EVPLL: variants seen among roughly 807,000 people sequenced by gnomAD.
The protein encoded by EVPLL is envoplakin-like protein.
A neutral mutation model predicts 46.2 loss-of-function variants in EVPLL; 39 were observed. That is an observed-to-expected ratio of 0.84 (90% CI 0.65 to 1.10). The LOEUF is 1.10. Among genes scored for constraint, EVPLL ranks in the 50% least tolerant of loss-of-function variants. EVPLL has a pLI of 0.00. For synonymous variants in EVPLL, 156 were observed against 165.8 expected, an observed-to-expected ratio of 0.94 and a Z score of 0.46; for missense variants, 385 against 412.6, an observed-to-expected ratio of 0.93 and a Z score of 0.58.
In EVPLL at chr17:18,385,936, C is replaced by T. The variant is rs540085358; in HGVS notation, c.877-2283C>T. 3.3e-5 allele frequency among the ~76,000 whole-genome samples: 5 copies of T among 152,292 alleles called. No homozygotes were observed. The East Asian group carries it at 5.8e-4, about 18-fold the overall frequency. On this transcript the variant is annotated intron_variant, in intron 9 of 10. Coordinates refer to ENST00000399134, the MANE Select transcript of EVPLL (RefSeq NM_001145127.2). ...ACACCCAGCAAAAGATCCCATAGTGCACTTTGGGAGGTATAGACAGGAAGC... is the reference window on the plus strand; with the variant it reads ...ACACCCAGCAAAAGATCCCATAGTGTACTTTGGGAGGTATAGACAGGAAGC...
intron 4 of EVPLL, 180 bp from the exon 5 acceptor site, chr17:18,382,333 C>T: frequency 1.4e-6 from 1 of 693,812 alleles, no homozygotes; most frequent in Non-Finnish European, 2.3e-6. Flanking sequence ...CTGCAGTGGC[C>T]ACCCTGCAGA....
At chr17:18,387,650 G>A (rs1277656745) in intron 9 of EVPLL, among the ~76,000 whole-genome samples, 1 of 151,912 alleles carries the variant, frequency 6.6e-6, no homozygotes, top group Non-Finnish European at 1.5e-5. Flanking sequence ...TCTGGATTGT[G>A]GGCCATAGTT....
chr17:18,383,726 A>G, intron 9 of EVPLL, 139 bp downstream of exon 9: 1 of 741,626 alleles, frequency 1.3e-6, no homozygotes, highest in Non-Finnish European at 2.2e-6. Context: ...TAATCCCAGC[A>G]CTTTGGGAGG....
intron 9 of EVPLL, 163 bp from the exon 10 acceptor site, chr17:18,388,056 A>ATATATATATGTAT (rs1987833673): frequency 1.5e-5 from 3 of 193,700 alleles, no homozygotes; most frequent in African/African-American, 8.5e-5. Context: ...ATATATGTAT[A>ATATATATATGTAT]TATATATAAA....
Position 18,381,113 on chromosome 17 carries a change from A to G in EVPLL, c.63+113A>G. On this transcript the variant is annotated intron_variant, in intron 2 of 10. Transcript: ENST00000399134. The surrounding 1 kb of genome is among the most constrained non-coding windows in gnomAD (Gnocchi z 4.2). Reference sequence around the variant, plus strand: ...CCTGGTGATGGTGAAGATGGGACAGATGACATTTGTCCTGCACCGCCTGTC... The same window carrying G: ...CCTGGTGATGGTGAAGATGGGACAGGTGACATTTGTCCTGCACCGCCTGTC... The G allele has an allele frequency of 1.5e-6, 2 of 1,363,176 alleles. No individual in the cohort carries two copies. Among genetic ancestry groups the G allele is most frequent in the Non-Finnish European group, 2.0e-6 (2 of 984,532 alleles). 84.4% of individuals were successfully genotyped at this position (1,363,176 alleles called of 1,614,324 possible).
At chr17:18,383,754 C>T (rs1321900468) in intron 9 of EVPLL, 167 bp downstream of exon 9, 8 of 636,650 alleles carry the variant, frequency 1.3e-5, no homozygotes, top group Admixed American at 1.1e-4. Flanking sequence ...TGGCCGATCA[C>T]TTGAGGTCAG....
At position 18,380,860 on chromosome 17, in the gene EVPLL, C is replaced by A. The variant is rs944666879; in HGVS notation, c.-36-42C>A. 1.7e-4 allele frequency: 250 copies of A among 1,507,584 alleles called. 1 individual carries two copies. The highest frequency in any genetic ancestry group is 7.4e-5 in the East Asian group (3 of 40,706). The allele number at this position is 1,507,584 out of a possible 1,614,324, so 93.4% of individuals were successfully genotyped here. On this transcript the variant is annotated intron_variant, in intron 1 of 10. Transcript: ENST00000399134. ...GCCACCTGGATGGGGCACAGAGGGGCCTCTTCCACCGAGCTGCCCACTGTC... is the reference window on the plus strand; with the variant it reads ...GCCACCTGGATGGGGCACAGAGGGGACTCTTCCACCGAGCTGCCCACTGTC...
chr17:18,383,228 C>T, intron 7 of EVPLL, 43 bp downstream of exon 7: 2 of 1,550,266 alleles, frequency 1.3e-6, no homozygotes, highest in East Asian at 4.8e-5. Flanking sequence ...CGACCAGGGC[C>T]ATCCTGGTCC....
rs1335252622 is a variant in EVPLL at position 18,388,880 on chromosome 17, G to A, written c.*64G>A. 6.7e-6 allele frequency: 1 copy of A among 149,334 alleles called. No homozygotes were observed. The highest frequency in any genetic ancestry group is 1.9e-4 in the East Asian group (1 of 5,142). The allele number at this position is 149,334 out of a possible 1,614,324, so 9.3% of individuals were successfully genotyped here. The stretch of plus-strand genomic sequence containing the variant: ...AGCTCTTGCCGCACGTGCAGAGAGA[G>A]AGGAACTTCCAGTGCCCGCTATGGA... On this transcript the variant is annotated 3_prime_UTR_variant, in exon 11 of 11. Coordinates refer to ENST00000399134, the MANE Select transcript of EVPLL (RefSeq NM_001145127.2).
Position 18,382,917 on chromosome 17 carries a change from G to T in EVPLL, c.511+53G>T. 5 of 1,601,058 alleles carry T rather than the reference G, an allele frequency of 3.1e-6. No individual in the cohort carries two copies. The Admixed American group carries it at 5.2e-5, about 17-fold the overall frequency. ...TGGCTGCAGGTGGGCCTGGGTGGCC[G>T]CCCGGACCCTGCCCGGGGCCAGTGT... On this transcript the variant is annotated intron_variant, in intron 6 of 10. Coordinates refer to ENST00000399134, the MANE Select transcript of EVPLL (RefSeq NM_001145127.2).
rs574213593 is a variant in EVPLL, at chr17:18,381,037, G to A, written c.63+37G>A. ...GCAGCAGTTGGCAGGGTGTGGGCAG[G>A]CTGGGTGGCATGGGAGGCCCATCAT... On this transcript the variant is annotated intron_variant, in intron 2 of 10. Transcript: ENST00000399134. The surrounding 1 kb of genome is among the most constrained non-coding windows in gnomAD (Gnocchi z 4.2). The A allele has an allele frequency of 5.9e-4, 917 of 1,555,058 alleles. 1 individual carries two copies. The highest frequency in any genetic ancestry group is 7.4e-4 in the Non-Finnish European group (853 of 1,149,668).
Position 18,381,887 on chromosome 17 carries a change from C to A in EVPLL, c.346+157C>A. 8.2e-7 allele frequency: 1 copy of A among 1,224,890 alleles called. No homozygotes were observed. The highest frequency in any genetic ancestry group is 1.1e-6 in the Non-Finnish European group (1 of 879,588). The allele number at this position is 1,224,890 out of a possible 1,614,324, so 75.9% of individuals were successfully genotyped here. A position where few individuals can be genotyped will look rare whatever the true frequency, so the allele number is the denominator to read the frequency against. On this transcript the variant is annotated intron_variant, in intron 4 of 10. Coordinates refer to ENST00000399134, the MANE Select transcript of EVPLL (RefSeq NM_001145127.2). This position sits in a 1 kb window ranked among gnomAD's most constrained non-coding sequence, Gnocchi z 4.2. ...GAGGAGACAGTGCAGTCAGGGAAGA[C>A]TTCCTGTAGGAGGAGGCACATGAAG...
At chr17:18,380,700 C>T in intron 1 of EVPLL, 1 of 557,916 alleles carries the variant, frequency 1.8e-6, no homozygotes, top group Non-Finnish European at 3.2e-6. Context: ...CACCTTTTGA[C>T]CCCTCATGTG....
At chr17:18,383,679 C>T in intron 9 of EVPLL, 92 bp downstream of exon 9, 1 of 1,166,042 alleles carries the variant, frequency 8.6e-7, no homozygotes, top group Admixed American at 2.2e-5. Context: ...CACCTCTCAA[C>T]TAGACAGAGC....
rs769922746 is a variant in EVPLL at position 18,381,678 on chromosome 17, G to A, written c.294G>A (p.Pro98=). ...YCALYEKMVL[P]PRRGIQGRLG... ...CCCTGTACGAGAAGATGGTGCTGCC[G>A]CCCCGACGTGGGATCCAAGGTCGAC... The change falls in exon 4 of 11, where the codon CCG becomes CCA. Residue 98 remains proline, a synonymous_variant. Transcript: ENST00000399134. The surrounding 1 kb of genome is among the most constrained non-coding windows in gnomAD (Gnocchi z 4.2). 15 of 1,614,186 alleles carry A rather than the reference G, an allele frequency of 9.3e-6. No homozygotes were observed. In the South Asian group the frequency reaches 9.9e-5, roughly 11 times the overall value.
intron 9 of EVPLL, among the ~76,000 whole-genome samples, chr17:18,387,669 C>A (rs1163045828): frequency 1.3e-5 from 2 of 151,906 alleles, no homozygotes; most frequent in East Asian, 3.9e-4. Flanking sequence ...TTTGCCCACC[C>A]CTGCCTGACC....
At chr17:18,378,258 C>G (rs149563633) in intron 1 of EVPLL, among the ~76,000 whole-genome samples, 1 of 152,342 alleles carries the variant, frequency 6.6e-6, no homozygotes, top group South Asian at 2.1e-4. Flanking sequence ...TGCTGCTCAG[C>G]GGGAGAAGTG....
At chr17:18,379,849 A>C (rs1372612824) in intron 1 of EVPLL, 1 of 152,274 alleles carries the variant, frequency 6.6e-6, no homozygotes, top group African/African-American at 2.4e-5. Flanking sequence ...TAATGCTCAC[A>C]ATAGCCCTAA....
intron 9 of EVPLL, among the ~76,000 whole-genome samples, chr17:18,386,739 A>C (rs1987776092): frequency 1.3e-5 from 2 of 151,942 alleles, no homozygotes; most frequent in African/African-American, 2.4e-5. Flanking sequence ...TATTCCTTCC[A>C]ATCTGTGGTT....
Sources: gnomAD v4.1 joint callset for allele counts (sites outside exome capture counted in the v4.1 genomes callset) on GRCh38, gnomAD v4.1.1 for gene constraint, Gnocchi (gnomAD v3.1) non-coding constraint, MANE v1.5 for transcripts, NCBI Gene and HGNC (gene_info 2026-07-23, HGNC 2026-07-21) for gene names.